The following DUSP22 variants were observed in gnomAD, a reference collection of about 807,000 sequenced individuals.
DUSP22 encodes dual specificity phosphatase 22, also known as dual specificity protein phosphatase 22.
Under a neutral mutation model 24.5 loss-of-function variants are expected in DUSP22, and 24 were observed. That is an observed-to-expected ratio of 0.98 (90% CI 0.71 to 1.38). DUSP22 has a LOEUF of 1.38. Among genes scored for constraint, DUSP22 ranks in the 40% most tolerant of loss-of-function variants. DUSP22 has a pLI of 0.00. For missense variants in DUSP22, 330 were observed against 269.2 expected, an observed-to-expected ratio of 1.23 and a Z score of -1.58; for synonymous variants, 160 against 106.4, an observed-to-expected ratio of 1.50 and a Z score of -3.10.
At chr6:304,564 C>T in intron 1 of DUSP22, 64 bp from the exon 2 acceptor site, 4 of 1,610,176 alleles carry the variant, frequency 2.5e-6, no homozygotes, top group Non-Finnish European at 3.4e-6. Context: ...GGATGAGGCC[C>T]CCTTCTGCAA....
At chr6:313,624 T>A (rs1271105973) in intron 3 of DUSP22, among the ~76,000 whole-genome samples, 9 of 152,296 alleles carry the variant, frequency 5.9e-5, no homozygotes, top group Non-Finnish European at 1.2e-4. Context: ...CTGGGACAGC[T>A]TTTACTTGGA....
chr6:322,429 G>C (rs1033535677), intron 3 of DUSP22, among the ~76,000 whole-genome samples: 2 of 152,412 alleles, frequency 1.3e-5, no homozygotes, highest in South Asian at 4.1e-4. Context: ...AGGGTACTCT[G>C]GCCCCAGTGT....
chr6:336,910 T>C (rs899382231), intron 4 of DUSP22: 12 of 152,404 alleles, frequency 7.9e-5, no homozygotes, highest in Non-Finnish European at 1.8e-4. Flanking sequence ...TCTGCCCATG[T>C]TTTGGTGGCT....
At chr6:309,494 G>A (rs1049613142) in intron 2 of DUSP22, among the ~76,000 whole-genome samples, 8 of 152,302 alleles carry the variant, frequency 5.3e-5, no homozygotes, top group South Asian at 2.1e-4. Flanking sequence ...AGTCTTAAAA[G>A]TGGTATTTTA....
chr6:304,079 G>A (rs1292648312), intron 1 of DUSP22, among the ~76,000 whole-genome samples: 2 of 152,300 alleles, frequency 1.3e-5, no homozygotes, highest in East Asian at 1.9e-4. Flanking sequence ...AACAGGATTC[G>A]TTTGCTGCCC....
intron 3 of DUSP22, among the ~76,000 whole-genome samples, chr6:315,667 T>G (rs377278977): frequency 4.6e-3 from 697 of 152,166 alleles, no homozygotes; most frequent in African/African-American, 0.016. Context: ...TTCCTTTTAA[T>G]TAGCAAGATT....
chr6:303,037 A>G (rs1261366211), intron 1 of DUSP22, among the ~76,000 whole-genome samples: 3 of 152,300 alleles, frequency 2.0e-5, no homozygotes, highest in Non-Finnish European at 2.9e-5. Context: ...GAACCTGACT[A>G]AAGTTTGGTC....
chr6:344,988 C>T lies in DUSP22; in HGVS notation c.189-866C>T, dbSNP rs968112474. ...AGGGGCTCCGATTGAACATGGGGGG[C>T]GCCGTCCAGAACTTCCCTCAACCCC... On this transcript the variant is annotated intron_variant, in intron 4 of 6. Coordinates refer to ENST00000419235, the MANE Select transcript of DUSP22 (RefSeq NM_001286555.3). 5.9e-5 allele frequency among the ~76,000 whole-genome samples: 9 copies of T among 152,408 alleles called. No homozygotes were observed. In the South Asian group the frequency reaches 6.2e-4, roughly 11 times the overall value.
Position 350,678 on chromosome 6 carries a change from A to G in DUSP22, c.*1727A>G. 6.4e-7 allele frequency: 1 copy of G among 1,554,440 alleles called. No individual in the cohort carries two copies. The highest frequency in any genetic ancestry group is 8.7e-7 in the Non-Finnish European group (1 of 1,150,690). Reference sequence around the variant, plus strand: ...TAAAGTACATGTTTTTCCTAAGCCAAAAATAAATACGTTAACAGAAAAATG... The same window carrying G: ...TAAAGTACATGTTTTTCCTAAGCCAGAAATAAATACGTTAACAGAAAAATG... On this transcript the variant is annotated 3_prime_UTR_variant, in exon 7 of 7. Transcript: ENST00000419235.
intron 3 of DUSP22, among the ~76,000 whole-genome samples, chr6:332,684 G>C (rs1175554970): frequency 1.3e-5 from 2 of 149,688 alleles, no homozygotes; most frequent in East Asian, 3.9e-4. Flanking sequence ...TATAGACTAG[G>C]CTGATTTTAG....
chr6:315,685 T>G (rs1378963123), intron 3 of DUSP22, among the ~76,000 whole-genome samples: 1 of 152,308 alleles, frequency 6.6e-6, no homozygotes, highest in Non-Finnish European at 1.5e-5. Flanking sequence ...ATTTTTGCTG[T>G]TATTTGCTGC....
intron 4 of DUSP22, among the ~76,000 whole-genome samples, chr6:340,779 G>C (rs1759572599): frequency 6.6e-6 from 1 of 152,302 alleles, no homozygotes; most frequent in Admixed American, 6.5e-5. Context: ...CAGATCTCTG[G>C]GCTCCCACTC....
intron 3 of DUSP22, among the ~76,000 whole-genome samples, chr6:312,899 G>A (rs1758173075): frequency 2.6e-5 from 4 of 152,204 alleles, no homozygotes; most frequent in Admixed American, 2.6e-4. Flanking sequence ...ATCATAGGTG[G>A]TGAACAAACC....
chr6:324,349 C>G (rs1758749246), intron 3 of DUSP22, among the ~76,000 whole-genome samples: 1 of 152,308 alleles, frequency 6.6e-6, no homozygotes, highest in Non-Finnish European at 1.5e-5. Flanking sequence ...CAGTGACCCG[C>G]TCATCCTTAA....
At chr6:298,881 C>T (rs868202215) in intron 1 of DUSP22, among the ~76,000 whole-genome samples, 3 of 151,938 alleles carry the variant, frequency 2.0e-5, no homozygotes, top group Non-Finnish European at 2.9e-5. Flanking sequence ...AAGATCAGTC[C>T]GAAAGTAAGG....
At chr6:346,995 A>G (rs539721258) in intron 5 of DUSP22, among the ~76,000 whole-genome samples, 1 of 152,392 alleles carries the variant, frequency 6.6e-6, no homozygotes, top group African/African-American at 2.4e-5. Flanking sequence ...TTGAAATCAC[A>G]TGATTTTTCA....
chr6:310,731 TA>T (rs1244892352), intron 2 of DUSP22, among the ~76,000 whole-genome samples: 11 of 152,304 alleles, frequency 7.2e-5, no homozygotes, highest in Admixed American at 1.3e-4. Context: ...GCCATTGAAT[TA>T]AAAAAATATT....
At chr6:305,375 A>G (rs1472691569) in intron 2 of DUSP22, among the ~76,000 whole-genome samples, 30 of 152,300 alleles carry the variant, frequency 2.0e-4, no homozygotes, top group African/African-American at 7.2e-4. Flanking sequence ...GTGTTGGACA[A>G]CAGGCACATT....
At chr6:298,629 C>T (rs895051323) in intron 1 of DUSP22, among the ~76,000 whole-genome samples, 1 of 152,298 alleles carries the variant, frequency 6.6e-6, no homozygotes, top group African/African-American at 2.4e-5. Context: ...AACCATCAAG[C>T]GTGGAGAATC....
Sources: allele counts gnomAD v4.1 joint callset (sites outside exome capture counted in the v4.1 genomes callset), GRCh38; gene constraint gnomAD v4.1.1; transcripts MANE v1.5; gene names NCBI Gene and HGNC (gene_info 2026-07-23, HGNC 2026-07-21).